MCM9: variants seen among roughly 807,000 people sequenced by gnomAD.
The protein encoded by MCM9 is minichromosome maintenance 9 homologous recombination repair factor, also known as DNA helicase MCM9.
Under a neutral mutation model 72.8 loss-of-function variants are expected in MCM9, and 55 were observed. That is an observed-to-expected ratio of 0.76 (90% CI 0.61 to 0.95). The LOEUF (loss-of-function observed/expected upper bound fraction) is 0.95. Among genes scored for constraint, MCM9 ranks in the 40% least tolerant of loss-of-function variants. The probability of loss-of-function intolerance (pLI) is 0.00; values close to 1 mark genes in which losing one functional copy is unlikely to be tolerated. For missense variants in MCM9, 1,279 were observed against 1,377.0 expected, an observed-to-expected ratio of 0.93 and a Z score of 1.13; for synonymous variants, 480 against 503.4, an observed-to-expected ratio of 0.95 and a Z score of 0.62.
chr6:118,818,630 T>A (rs1773574123), intron 13 of MCM9, among the ~76,000 whole-genome samples: 1 of 152,240 alleles, frequency 6.6e-6, no homozygotes, highest in Non-Finnish European at 1.5e-5. Flanking sequence ...TGGTTCCATA[T>A]GAAATTTAAA....
At chr6:118,906,954 T>G (rs1303469565) in intron 8 of MCM9, among the ~76,000 whole-genome samples, 1 of 152,228 alleles carries the variant, frequency 6.6e-6, no homozygotes, top group Non-Finnish European at 1.5e-5. Context: ...CAGGACTGTT[T>G]CTAAGAATGA....
chr6:118,877,689 C>G (rs917473559), intron 8 of MCM9, among the ~76,000 whole-genome samples: 1 of 152,254 alleles, frequency 6.6e-6, no homozygotes, highest in African/African-American at 2.4e-5. Context: ...AACTTCACTG[C>G]TAAGTCTGTT....
intron 9 of MCM9, among the ~76,000 whole-genome samples, chr6:118,840,147 G>A (rs567007165): frequency 6.8e-6 from 1 of 147,190 alleles, no homozygotes; most frequent in Non-Finnish European, 1.5e-5. Flanking sequence ...CTACTGAACT[G>A]TAGATGGTAG....
At chr6:118,828,889 G>A (rs762068277) in intron 10 of MCM9, 159 bp downstream of exon 10, 36 of 679,630 alleles carry the variant, frequency 5.3e-5, no homozygotes, top group African/African-American at 1.3e-4. Context: ...CTGAGGCCCC[G>A]TAAGTGGCTC....
At chr6:118,904,744 TA>T (rs1404256907) in intron 8 of MCM9, among the ~76,000 whole-genome samples, 8 of 152,250 alleles carry the variant, frequency 5.3e-5, no homozygotes, top group African/African-American at 1.9e-4. Context: ...AAGAGCATAC[TA>T]TATTGTAGAG....
chr6:118,826,348 G>C, intron 12 of MCM9, 56 bp from the exon 13 acceptor site: 1 of 1,517,024 alleles, frequency 6.6e-7, no homozygotes, highest in Non-Finnish European at 8.8e-7. Flanking sequence ...ATAGCGGTAA[G>C]TACACTCTAG....
rs1168157113 is a variant in MCM9, at chr6:118,815,498, G to T, written c.2758C>A (p.Leu920Met). The T allele has an allele frequency of 1.3e-6, 2 of 1,547,828 alleles. No individual in the cohort carries two copies. Among genetic ancestry groups the T allele is most frequent in the Admixed American group, 2.0e-5 (1 of 50,436 alleles). ...TTCTGCTTGAAAGTAAATTTTGCCA[G>T]TTTGGCCACAGGGGAACCTGGAGGC... ...VKPPGSPVAK[L>M]AKFTFKQKSK... The change falls in exon 14 of 14, where the codon CTG becomes ATG. Residue 920 changes from leucine to methionine, a missense_variant. Leu to Met is a conservative substitution (Grantham distance 15, BLOSUM62 2). Coordinates refer to ENST00000619706, the MANE Select transcript of MCM9 (RefSeq NM_017696.3).
At chr6:118,864,049 C>T (rs570294335) in intron 8 of MCM9, among the ~76,000 whole-genome samples, 1 of 150,424 alleles carries the variant, frequency 6.6e-6, no homozygotes, top group Admixed American at 6.6e-5. Context: ...TTACACAAAA[C>T]CCATATTTCA....
At chr6:118,908,821 T>C (rs1016325589) in intron 8 of MCM9, 3 of 152,544 alleles carry the variant, frequency 2.0e-5, no homozygotes, top group African/African-American at 7.3e-5. Flanking sequence ...GACAGCCATA[T>C]GATGCAGGTT....
chr6:118,863,707 A>G (rs1207937602), intron 8 of MCM9, among the ~76,000 whole-genome samples: 3 of 152,192 alleles, frequency 2.0e-5, no homozygotes, highest in Non-Finnish European at 4.4e-5. Flanking sequence ...TTAAAAGAGA[A>G]GTAAGAGTTA....
chr6:118,857,953 A>C (rs1776669675), intron 8 of MCM9, among the ~76,000 whole-genome samples: 1 of 152,136 alleles, frequency 6.6e-6, no homozygotes, highest in African/African-American at 2.4e-5. Flanking sequence ...ATGCAACACA[A>C]ATTTTTCAAT....
chr6:118,874,885 G>C (rs1004236015), intron 8 of MCM9, among the ~76,000 whole-genome samples: 1 of 152,160 alleles, frequency 6.6e-6, no homozygotes, highest in Non-Finnish European at 1.5e-5. Flanking sequence ...AGGCTGAGGC[G>C]GGTGGATCAC....
At position 118,924,120 on chromosome 6, in the gene MCM9, A is replaced by G; in HGVS notation, c.312T>C (p.Pro104=). 6.2e-7 allele frequency: 1 copy of G among 1,610,778 alleles called. No individual in the cohort carries two copies. Among genetic ancestry groups the G allele is most frequent in the Non-Finnish European group, 8.5e-7 (1 of 1,177,534 alleles). ...GTTCCCTCACCAGCTCAGGACAGAC[A>G]GGCAAACCTGATGGAGAAAACAAAA... ...QNLHARISGL[P]VCPELVREHI... Residue 104 remains proline (P), a synonymous_variant, in exon 4 of 14, where the codon CCT becomes CCC. Coordinates refer to ENST00000619706, the MANE Select transcript of MCM9 (RefSeq NM_017696.3).
intron 3 of MCM9, among the ~76,000 whole-genome samples, chr6:118,925,369 T>C (rs202166268): frequency 2.6e-5 from 4 of 152,196 alleles, no homozygotes; most frequent in East Asian, 1.9e-4. Context: ...ATAGGAATCA[T>C]TATACCTTAA....
intron 8 of MCM9, among the ~76,000 whole-genome samples, chr6:118,881,458 G>A (rs911811916): frequency 2.0e-5 from 3 of 152,134 alleles, no homozygotes; most frequent in African/African-American, 4.8e-5. Flanking sequence ...TTCAGTGAGC[G>A]AGTCAATGTG....
At chr6:118,840,742 C>CCTTTT (rs1554256934) in intron 9 of MCM9, among the ~76,000 whole-genome samples, 1 of 77,780 alleles carries the variant, frequency 1.3e-5, no homozygotes, top group South Asian at 5.1e-4. Context: ...TCCCCCCCCC[C>CCTTTT]TTTTTTTTTT....
At position 118,850,850 on chromosome 6, in the gene MCM9, G is replaced by T. The variant is rs934852566; in HGVS notation, c.1325+5521C>A. On this transcript the variant is annotated intron_variant, in intron 9 of 13. Coordinates refer to ENST00000619706, the MANE Select transcript of MCM9 (RefSeq NM_017696.3). The stretch of plus-strand genomic sequence containing the variant: ...ATAAAATTTTAATTCTTTTTAAAGA[G>T]ATGTCACTTTGTTGCCCAGCCTGGA... Among the ~76,000 whole-genome samples, 8 of 151,896 alleles carry T rather than the reference G, an allele frequency of 5.3e-5. No individual in the cohort carries two copies. The East Asian group carries it at 1.2e-3, about 22-fold the overall frequency.
chr6:118,844,002 T>G (rs1247957534), intron 9 of MCM9, among the ~76,000 whole-genome samples: 1 of 150,876 alleles, frequency 6.6e-6, no homozygotes, highest in African/African-American at 2.5e-5. Context: ...ATCTAGATGA[T>G]GATGACTCAG....
intron 8 of MCM9, among the ~76,000 whole-genome samples, chr6:118,902,252 C>T (rs1779846065): frequency 1.3e-5 from 2 of 152,272 alleles, no homozygotes; most frequent in East Asian, 1.9e-4. Flanking sequence ...GTGGCTTTAC[C>T]TCTCTAACCT....
Sources: allele counts gnomAD v4.1 joint callset (sites outside exome capture counted in the v4.1 genomes callset), GRCh38; gene constraint gnomAD v4.1.1; transcripts MANE v1.5; gene names NCBI Gene and HGNC (gene_info 2026-07-23, HGNC 2026-07-21).